Variants in CTNNA3 observed in about 807,000 individuals in gnomAD.
CTNNA3 encodes catenin alpha 3, also known as catenin alpha-3.
Under a neutral mutation model 95.7 loss-of-function variants are expected in CTNNA3, and 76 were observed. That is an observed-to-expected ratio of 0.79 (90% CI 0.66 to 0.96). CTNNA3 has a LOEUF of 0.96. Among genes scored for constraint, CTNNA3 ranks in the 40% least tolerant of loss-of-function variants. CTNNA3 has a pLI of 0.00. For synonymous variants in CTNNA3, 431 were observed against 374.4 expected (o/e 1.15, Z -1.74); for missense variants, 1,191 against 1,089.8 (o/e 1.09, Z -1.31).
chr10:66,602,720 A>C (rs966267930), intron 10 of CTNNA3, among the ~76,000 whole-genome samples: 2 of 152,058 alleles, frequency 1.3e-5, no homozygotes, highest in Non-Finnish European at 2.9e-5. Flanking sequence ...AACAAAAATC[A>C]ATAATACATT....
intron 5 of CTNNA3, among the ~76,000 whole-genome samples, chr10:67,450,218 CA>C (rs1846919712): frequency 6.6e-6 from 1 of 152,102 alleles, no homozygotes; most frequent in Non-Finnish European, 1.5e-5. Context: ...TTAGTTCAAC[CA>C]TTGTGGAACG....
intron 11 of CTNNA3, among the ~76,000 whole-genome samples, chr10:66,438,665 G>C (rs1039844709): frequency 7.7e-4 from 117 of 152,092 alleles, no homozygotes; most frequent in African/African-American, 2.7e-3. Context: ...TAGACCACTT[G>C]ACTCCCTGGC....
intron 7 of CTNNA3, among the ~76,000 whole-genome samples, chr10:66,903,099 C>T (rs1478229954): frequency 6.6e-6 from 1 of 152,044 alleles, no homozygotes; most frequent in Non-Finnish European, 1.5e-5. Flanking sequence ...GACCAATATC[C>T]CTGAAGAACA....
intron 5 of CTNNA3, among the ~76,000 whole-genome samples, chr10:67,394,496 T>C (rs1844645382): frequency 6.6e-6 from 1 of 152,010 alleles, no homozygotes; most frequent in Non-Finnish European, 1.5e-5. Context: ...TGCCACAGAG[T>C]TACCTTTTTA....
intron 14 of CTNNA3, among the ~76,000 whole-genome samples, chr10:66,090,779 T>C (rs1280636590): frequency 6.6e-6 from 1 of 152,050 alleles, no homozygotes; most frequent in Non-Finnish European, 1.5e-5. Context: ...CATATTTACA[T>C]GGGATTTTAG....
chr10:66,246,077 C>T (rs942244773), intron 13 of CTNNA3, among the ~76,000 whole-genome samples: 1 of 152,180 alleles, frequency 6.6e-6, no homozygotes, highest in African/African-American at 2.4e-5. Flanking sequence ...TGGGGCCTCA[C>T]CAGGGATGTA....
chr10:67,230,672 C>A lies in CTNNA3; in HGVS notation c.580-10802G>T, dbSNP rs145940890. On this transcript the variant is annotated intron_variant, in intron 5 of 17. Transcript: ENST00000433211. ...GCTCAAAAGAAGATATACAGAGAAGCCAAGATAGCTGAATAGGAACAGCTC... is the reference window on the plus strand; with the variant it reads ...GCTCAAAAGAAGATATACAGAGAAGACAAGATAGCTGAATAGGAACAGCTC... Among the ~76,000 whole-genome samples the A allele has an allele frequency of 4.9e-3, 740 of 152,246 alleles. 7 individuals are homozygous for A. Among genetic ancestry groups the A allele is most frequent in the African/African-American group, 0.017 (704 of 41,546 alleles).
intron 10 of CTNNA3, among the ~76,000 whole-genome samples, chr10:66,526,970 T>C (rs981037950): frequency 2.0e-5 from 3 of 152,184 alleles, no homozygotes; most frequent in African/African-American, 7.2e-5. Flanking sequence ...TTTTTCCATT[T>C]TTTGTGCTTT....
intron 1 of CTNNA3, among the ~76,000 whole-genome samples, chr10:67,733,422 T>G (rs1564842796): frequency 6.6e-6 from 1 of 152,106 alleles, no homozygotes. Context: ...CTACTCTACA[T>G]CCGTAGATCA....
chr10:67,231,376 A>T (rs1264484262), intron 5 of CTNNA3, among the ~76,000 whole-genome samples: 2 of 152,224 alleles, frequency 1.3e-5, no homozygotes, highest in African/African-American at 4.8e-5. Flanking sequence ...CCTTGACCCC[A>T]GAGCAGCCTA....
At chr10:66,877,847 A>G (rs1844683878) in intron 7 of CTNNA3, among the ~76,000 whole-genome samples, 1 of 152,164 alleles carries the variant, frequency 6.6e-6, no homozygotes, top group Non-Finnish European at 1.5e-5. Flanking sequence ...TCTAACCCAG[A>G]GACAAGGAAA....
chr10:65,960,143 T>C (rs1352163930), intron 17 of CTNNA3, among the ~76,000 whole-genome samples: 3 of 152,198 alleles, frequency 2.0e-5, no homozygotes, highest in African/African-American at 7.2e-5. Context: ...AAACATGGGA[T>C]TTATCAGCAA....
chr10:65,968,342 C>T (rs716905), intron 16 of CTNNA3, among the ~76,000 whole-genome samples: 21,724 of 152,040 alleles, frequency 0.14, 1,811 homozygotes, highest in South Asian at 0.27. Flanking sequence ...CAACACTGCA[C>T]TCCAGCCTGG....
At chr10:67,453,951 G>A (rs1333626288) in intron 5 of CTNNA3, among the ~76,000 whole-genome samples, 1 of 152,096 alleles carries the variant, frequency 6.6e-6, no homozygotes, top group Non-Finnish European at 1.5e-5. Flanking sequence ...AACAGACACT[G>A]TTATTTTTAT....
intron 7 of CTNNA3, among the ~76,000 whole-genome samples, chr10:67,164,546 T>A (rs1861678336): frequency 6.6e-6 from 1 of 152,076 alleles, no homozygotes; most frequent in South Asian, 2.1e-4. Flanking sequence ...GAACCATTCT[T>A]AGACACAAAA....
intron 1 of CTNNA3, among the ~76,000 whole-genome samples, chr10:67,687,852 C>T (rs374294678): frequency 6.6e-6 from 1 of 152,086 alleles, no homozygotes; most frequent in Non-Finnish European, 1.5e-5. Flanking sequence ...TCTCCTTAGT[C>T]CTTCTAAAAC....
At chr10:66,945,219 G>T (rs186155811) in intron 7 of CTNNA3, among the ~76,000 whole-genome samples, 1 of 152,286 alleles carries the variant, frequency 6.6e-6, no homozygotes, top group African/African-American at 2.4e-5. Flanking sequence ...TTAAAGTTCT[G>T]TTGTATAGTG....
chr10:66,780,692 A>AG, intron 7 of CTNNA3, among the ~76,000 whole-genome samples: 1 of 152,242 alleles, frequency 6.6e-6, no homozygotes. Flanking sequence ...TTGAAATATA[A>AG]AAATATCTTA....
At chr10:65,940,772 A>G (rs1053840424) in intron 17 of CTNNA3, among the ~76,000 whole-genome samples, 1 of 152,216 alleles carries the variant, frequency 6.6e-6, no homozygotes, top group African/African-American at 2.4e-5. Context: ...TTCAAAAATC[A>G]GTTTGTGAAA....
Sources: allele counts gnomAD v4.1 joint callset (sites outside exome capture counted in the v4.1 genomes callset), GRCh38; gene constraint gnomAD v4.1.1; transcripts MANE v1.5; gene names NCBI Gene and HGNC (gene_info 2026-07-23, HGNC 2026-07-21).